The following CLHC1 variants were observed in gnomAD, a reference collection of about 807,000 sequenced individuals.
CLHC1 encodes the protein clathrin heavy chain linker domain containing 1.
Under a neutral mutation model 69.5 loss-of-function variants are expected in CLHC1, and 72 were observed. The ratio of observed to expected loss-of-function variants is 1.04; its 90% CI spans 0.86 to 1.26. The LOEUF is 1.26. Among genes scored for constraint, CLHC1 ranks in the 50% most tolerant of loss-of-function variants. The pLI is 0.00. For missense variants in CLHC1, 790 were observed against 679.3 expected (o/e 1.16, Z -1.81); for synonymous variants, 223 against 224.3 (o/e 0.99, Z 0.05).
intron 3 of CLHC1, 139 bp downstream of exon 3, chr2:55,222,096 A>G (rs1674181170): frequency 1.6e-6 from 1 of 630,300 alleles, no homozygotes; most frequent in Non-Finnish European, 2.7e-6. Context: ...CTTTCTGAGA[A>G]ATTGGATGAA....
At chr2:55,190,898 C>T (rs1670862756) in intron 9 of CLHC1, among the ~76,000 whole-genome samples, 1 of 151,514 alleles carries the variant, frequency 6.6e-6, no homozygotes, top group South Asian at 2.1e-4. Flanking sequence ...GCATAAGAAG[C>T]ATGAAAATAA....
intron 2 of CLHC1, among the ~76,000 whole-genome samples, 193 bp from the exon 3 acceptor site, chr2:55,222,686 G>A (rs1027333214): frequency 6.6e-6 from 1 of 152,022 alleles, no homozygotes; most frequent in Non-Finnish European, 1.5e-5. Context: ...TTGGGAGGCC[G>A]AGGCAGGTGG....
chr2:55,226,168 G>C, intron 2 of CLHC1, among the ~76,000 whole-genome samples: 1 of 150,386 alleles, frequency 6.6e-6, no homozygotes, highest in Non-Finnish European at 1.5e-5. Flanking sequence ...CTCCAGCCTG[G>C]GCAACTGAGC....
Position 55,209,444 on chromosome 2 carries a change from T to G in CLHC1, c.774A>C (p.Gln258His). The change falls in exon 7 of 13, where the codon CAA (glutamine) becomes CAC (histidine). Residue 258 changes from glutamine to histidine, a missense_variant. Physicochemically the swap from Gln to His is conservative, Grantham distance 24. Coordinates refer to ENST00000401408, the MANE Select transcript of CLHC1 (RefSeq NM_152385.4). ...TTTTCTGAATTTGCTCCACAAAGTC[T>G]TGAAATGGGCTGCTCATATCAGATT... is the stretch of plus-strand genomic sequence containing the variant. The part of the protein sequence containing the change: ...WVKSDMSSPF[Q>H]DFVEQIQKTK... The G allele has an allele frequency of 6.2e-7, 1 of 1,611,262 alleles. No individual in the cohort carries two copies. Among genetic ancestry groups the G allele is most frequent in the South Asian group, 1.1e-5 (1 of 90,122 alleles).
rs925904794 is a variant in CLHC1 at position 55,180,661 on chromosome 2, C to A, written c.1233G>T (p.Gln411His). 2 of 1,614,040 alleles carry A rather than the reference C, an allele frequency of 1.2e-6. No individual in the cohort carries two copies. Among genetic ancestry groups the A allele is most frequent in the East Asian group, 4.5e-5 (2 of 44,852 alleles). The change falls in exon 11 of 13, where the codon CAG (glutamine) becomes CAT (histidine). Residue 411 changes from glutamine to histidine, a missense_variant. Physicochemically the swap from Gln to His is conservative, Grantham distance 24. Transcript: ENST00000401408. ...GGCACTTGGCCTTGTTATAAGTATC[C>A]TGCTCCCCATAATCACAAATCACAT... is the stretch of plus-strand genomic sequence containing the variant. ...AGDVICDYGE[Q>H]DTYNKAKCLA...
At position 55,222,358 on chromosome 2, in the gene CLHC1, T is replaced by G; in HGVS notation, c.54A>C (p.Arg18Ser). ...KHAVLPPIIC[R>S]SDKEFLESVQ... ...CACTTTCCAAAAATTCCTTGTCACTTCTACAAATGATAGGTGGGAGAACTG... is the reference window on the plus strand; with the variant it reads ...CACTTTCCAAAAATTCCTTGTCACTGCTACAAATGATAGGTGGGAGAACTG... The change falls in exon 3 of 13, where the codon AGA becomes AGC. Residue 18 changes from arginine to serine, a missense_variant. Physicochemically the swap from Arg to Ser is moderately radical, Grantham distance 110. Transcript: ENST00000401408. 6.2e-7 allele frequency: 1 copy of G among 1,613,964 alleles called. No homozygotes were observed. The highest frequency in any genetic ancestry group is 8.5e-7 in the Non-Finnish European group (1 of 1,179,930).
At chr2:55,202,008 T>C (rs1671989290) in intron 9 of CLHC1, among the ~76,000 whole-genome samples, 1 of 152,056 alleles carries the variant, frequency 6.6e-6, no homozygotes, top group Non-Finnish European at 1.5e-5. Flanking sequence ...AGAAGGAATA[T>C]ACCTCAACTA....
At chr2:55,186,441 C>T (rs112132579) in intron 9 of CLHC1, among the ~76,000 whole-genome samples, 21 of 152,222 alleles carry the variant, frequency 1.4e-4, no homozygotes, top group African/African-American at 4.1e-4. Context: ...AAACAACTGA[C>T]TATAAAAGAG....
At chr2:55,182,049 G>T (rs1408931676) in intron 9 of CLHC1, among the ~76,000 whole-genome samples, 3 of 152,056 alleles carry the variant, frequency 2.0e-5, no homozygotes, top group Non-Finnish European at 2.9e-5. Flanking sequence ...AGAGCCTCCA[G>T]AAGGAATGAA....
intron 10 of CLHC1, among the ~76,000 whole-genome samples, chr2:55,181,219 C>A (rs1669902702): frequency 6.6e-6 from 1 of 152,032 alleles, no homozygotes; most frequent in Non-Finnish European, 1.5e-5. Context: ...GACCTCAAGT[C>A]ATCTGCCCAC....
In CLHC1 at chr2:55,175,619, G is replaced by C; in HGVS notation, c.*171C>G. The C allele has an allele frequency of 1.8e-6, 1 of 558,706 alleles. No individual in the cohort carries two copies. The highest frequency in any genetic ancestry group is 3.2e-6 in the Non-Finnish European group (1 of 315,506). The allele number at this position is 558,706 out of a possible 1,614,324, so 34.6% of individuals were successfully genotyped here. A position where few individuals can be genotyped will look rare whatever the true frequency, so the allele number is the denominator to read the frequency against. ...ACCATATGGGGAAAAGGAAGCAATA[G>C]TATAAATATTTCAAAGACAAATCTA... On this transcript the variant is annotated 3_prime_UTR_variant, in exon 13 of 13. Coordinates refer to ENST00000401408, the MANE Select transcript of CLHC1 (RefSeq NM_152385.4).
At chr2:55,201,329 A>G (rs976085218) in intron 9 of CLHC1, among the ~76,000 whole-genome samples, 3 of 152,144 alleles carry the variant, frequency 2.0e-5, no homozygotes, top group African/African-American at 7.2e-5. Context: ...GAGATGAAAA[A>G]GGAGACATTA....
chr2:55,228,564 C>A (rs1020607317), intron 1 of CLHC1, among the ~76,000 whole-genome samples: 1 of 152,130 alleles, frequency 6.6e-6, no homozygotes, highest in African/African-American at 2.4e-5. Context: ...AGTAAATGAG[C>A]CACTGCTACA....
intron 9 of CLHC1, among the ~76,000 whole-genome samples, chr2:55,198,887 T>G (rs1229129919): frequency 7.2e-4 from 110 of 151,870 alleles, no homozygotes; most frequent in Non-Finnish European, 1.9e-4. Context: ...AAAAAAAACA[T>G]TTACCCTAGA....
intron 5 of CLHC1, among the ~76,000 whole-genome samples, chr2:55,211,489 G>A (rs372934777): frequency 7.7e-6 from 1 of 129,908 alleles, no homozygotes; most frequent in African/African-American, 3.0e-5. Flanking sequence ...GTGACAGAGC[G>A]AGACTATGTC....
chr2:55,199,316 A>T (rs966430612), intron 9 of CLHC1, among the ~76,000 whole-genome samples: 15 of 151,192 alleles, frequency 9.9e-5, no homozygotes, highest in African/African-American at 3.6e-4. Context: ...AAAAAAAAAA[A>T]AAAAAGAAAT....
intron 9 of CLHC1, among the ~76,000 whole-genome samples, chr2:55,184,469 C>T (rs1670230598): frequency 6.6e-6 from 1 of 152,120 alleles, no homozygotes. Flanking sequence ...GCTCAAAGAA[C>T]ACAATGCAAG....
At chr2:55,200,880 T>C (rs1024074139) in intron 9 of CLHC1, among the ~76,000 whole-genome samples, 1 of 152,136 alleles carries the variant, frequency 6.6e-6, no homozygotes, top group South Asian at 2.1e-4. Context: ...AAGAGGAATT[T>C]TGGAAACCAT....
chr2:55,199,296 C>CAAAAAAAAAAAAAAAA (rs57570449), intron 9 of CLHC1, among the ~76,000 whole-genome samples: 1 of 70,960 alleles, frequency 1.4e-5, no homozygotes, highest in African/African-American at 6.1e-5. Flanking sequence ...GACTCCATCT[C>CAAAAAAAAAAAAAAAA]AAAAAAAAAA....
Sources: allele counts gnomAD v4.1 joint callset (sites outside exome capture counted in the v4.1 genomes callset), GRCh38; gene constraint gnomAD v4.1.1; transcripts MANE v1.5; gene names NCBI Gene and HGNC (gene_info 2026-07-23, HGNC 2026-07-21).